Variants in XRCC5 observed in about 807,000 individuals in gnomAD.
XRCC5 encodes the protein DNA repair protein Ku80.
XRCC5 carries 12 observed loss-of-function variants against 95.7 expected under a neutral mutation model. The ratio of observed to expected loss-of-function variants is 0.13; its 90% CI spans 0.08 to 0.20. The LOEUF (loss-of-function observed/expected upper bound fraction) is 0.20, where lower values mean the gene tolerates loss of function less well. Ranked by LOEUF, XRCC5 falls within the 10% of genes least tolerant of loss-of-function variation. The probability of loss-of-function intolerance (pLI) is 1.00; values close to 1 mark genes in which losing one functional copy is unlikely to be tolerated. For synonymous variants in XRCC5, 281 were observed against 290.3 expected, an observed-to-expected ratio of 0.97 and a Z score of 0.33; for missense variants, 595 against 873.9, an observed-to-expected ratio of 0.68 and a Z score of 4.02.
chr2:216,117,171 T>G (rs1334706148), intron 3 of XRCC5: 1 of 233,906 alleles, frequency 4.3e-6, no homozygotes, highest in Admixed American at 5.1e-5. Context: ...TAGAAATGTT[T>G]GGAGGCGGAT....
At chr2:216,195,594 A>G (rs1031755293) in intron 19 of XRCC5, among the ~76,000 whole-genome samples, 3 of 151,334 alleles carry the variant, frequency 2.0e-5, no homozygotes, top group Admixed American at 6.6e-5. Context: ...GGGACATCCA[A>G]GTATTTTCAG....
intron 16 of XRCC5, among the ~76,000 whole-genome samples, chr2:216,168,003 A>G (rs1174988996): frequency 2.6e-5 from 4 of 152,124 alleles, no homozygotes; most frequent in African/African-American, 9.7e-5. Context: ...CTCATTTTAA[A>G]TTATTAAACC....
intron 16 of XRCC5, among the ~76,000 whole-genome samples, chr2:216,173,986 T>G (rs1205668363): frequency 1.3e-5 from 2 of 152,356 alleles, no homozygotes; most frequent in African/African-American, 4.8e-5. Flanking sequence ...GGAAATTGTT[T>G]GTAGTTTTCT....
At chr2:216,204,245 C>T in intron 19 of XRCC5, 77 bp from the exon 20 acceptor site, 1 of 1,550,030 alleles carries the variant, frequency 6.5e-7, no homozygotes, top group Admixed American at 1.7e-5. Context: ...TTTGCTGTGG[C>T]AATGCTAGCA....
At chr2:216,179,431 G>A (rs987465751) in intron 16 of XRCC5, among the ~76,000 whole-genome samples, 48 of 152,106 alleles carry the variant, frequency 3.2e-4, no homozygotes, top group African/African-American at 1.1e-3. Context: ...ATGTGGGGGC[G>A]GGGTGGGGAT....
intron 13 of XRCC5, among the ~76,000 whole-genome samples, chr2:216,147,483 T>C (rs1188544075): frequency 6.6e-6 from 1 of 152,076 alleles, no homozygotes; most frequent in Admixed American, 6.5e-5. Context: ...GATGAGGTGA[T>C]AGGGCTTGGG....
At chr2:216,128,353 A>G (rs759632503) in intron 8 of XRCC5, among the ~76,000 whole-genome samples, 4 of 152,316 alleles carry the variant, frequency 2.6e-5, no homozygotes, top group South Asian at 4.1e-4. Context: ...TTGATTTGCA[A>G]GTCTTGAAAA....
At chr2:216,197,959 T>C (rs890663849) in intron 19 of XRCC5, among the ~76,000 whole-genome samples, 2 of 152,188 alleles carry the variant, frequency 1.3e-5, no homozygotes, top group African/African-American at 4.8e-5. Flanking sequence ...TAGATAATGG[T>C]AGAAAATAAG....
At chr2:216,118,336 A>G (rs1696740970) in intron 4 of XRCC5, among the ~76,000 whole-genome samples, 1 of 152,032 alleles carries the variant, frequency 6.6e-6, no homozygotes, top group South Asian at 2.1e-4. Flanking sequence ...ACCCAAGTCC[A>G]GCTAATTTTA....
intron 11 of XRCC5, among the ~76,000 whole-genome samples, chr2:216,137,558 C>G (rs1697106220): frequency 4.6e-5 from 7 of 152,144 alleles, no homozygotes; most frequent in Admixed American, 3.9e-4. Flanking sequence ...TCACCATGGC[C>G]TTTTCTTGGT....
intron 16 of XRCC5, among the ~76,000 whole-genome samples, chr2:216,181,213 A>G (rs41302484): frequency 0.031 from 4,683 of 152,092 alleles, 240 homozygotes; most frequent in African/African-American, 0.11. Flanking sequence ...TTTCCTTTCC[A>G]TCTTATCACT....
chr2:216,115,589 A>G (rs972292281), intron 2 of XRCC5, among the ~76,000 whole-genome samples: 2 of 152,220 alleles, frequency 1.3e-5, no homozygotes, highest in African/African-American at 4.8e-5. Context: ...AAAATGAAGA[A>G]TGACAGAATT....
chr2:216,145,086 GTTTGAGGAC>G (rs1179765222), intron 13 of XRCC5, among the ~76,000 whole-genome samples: 1 of 152,206 alleles, frequency 6.6e-6, no homozygotes, highest in Non-Finnish European at 1.5e-5. Flanking sequence ...TTGTAGTCCA[GTTTGAGGAC>G]TTTGGGGACA....
chr2:216,191,686 C>T (rs550585934), intron 17 of XRCC5, among the ~76,000 whole-genome samples: 14 of 152,260 alleles, frequency 9.2e-5, no homozygotes, highest in Admixed American at 2.6e-4. Flanking sequence ...GCTGGGATTA[C>T]AGGGGTGAGC....
chr2:216,124,926 A>G (rs574282629), intron 6 of XRCC5, among the ~76,000 whole-genome samples: 1 of 152,358 alleles, frequency 6.6e-6, no homozygotes, highest in South Asian at 2.1e-4. Context: ...TAAATGAAGC[A>G]GCACTCCACA....
At position 216,179,619 on chromosome 2, in the gene XRCC5, T is replaced by C. The variant is rs540005176; in HGVS notation, c.1835-10606T>C. 5.3e-5 allele frequency among the ~76,000 whole-genome samples: 8 copies of C among 152,256 alleles called. 2 individuals are homozygous for C. Among genetic ancestry groups the C allele is most frequent in the African/African-American group, 1.9e-4 (8 of 41,536 alleles). On this transcript the variant is annotated intron_variant, in intron 16 of 20. Transcript: ENST00000392132. ...TAGTGGATATCTGGGAGGAGAGCTT[T>C]GCAGACAGAGGGAGCAGCATGTTCT...
chr2:216,162,684 G>A (rs1688975242), intron 16 of XRCC5, among the ~76,000 whole-genome samples: 2 of 152,210 alleles, frequency 1.3e-5, no homozygotes, highest in African/African-American at 4.8e-5. Flanking sequence ...GAGCCATCGT[G>A]CCCGGCCACA....
At chr2:216,174,559 A>G (rs1314445207) in intron 16 of XRCC5, among the ~76,000 whole-genome samples, 3 of 152,198 alleles carry the variant, frequency 2.0e-5, no homozygotes, top group Non-Finnish European at 4.4e-5. Context: ...TGTTATCACT[A>G]CCACAATTTA....
intron 16 of XRCC5, among the ~76,000 whole-genome samples, chr2:216,171,080 G>A (rs1024931369): frequency 2.0e-5 from 3 of 152,226 alleles, no homozygotes; most frequent in Non-Finnish European, 2.9e-5. Flanking sequence ...AACAACAGAC[G>A]CTCTTAACCA....
Sources: allele counts gnomAD v4.1 joint callset (sites outside exome capture counted in the v4.1 genomes callset), GRCh38; gene constraint gnomAD v4.1.1; transcripts MANE v1.5; gene names NCBI Gene and HGNC (gene_info 2026-07-23, HGNC 2026-07-21).